Variants in PAK3 observed in about 807,000 individuals in gnomAD.
PAK3 encodes the protein serine/threonine-protein kinase PAK 3.
A neutral mutation model predicts 41.0 loss-of-function variants in PAK3; 4 were observed. The observed-to-expected ratio is 0.10, with a 90% confidence interval of 0.05 to 0.22. PAK3 has a LOEUF of 0.22. PAK3 is among the 10% of genes least tolerant of loss of function. PAK3 has a pLI of 1.00. For missense variants in PAK3, 205 were observed against 409.9 expected (o/e 0.50, Z 4.32); for synonymous variants, 146 against 139.6 (o/e 1.05, Z -0.32).
chrX:111,018,322 A>T (rs1470650563), intron 1 of PAK3, among the ~76,000 whole-genome samples: 1 of 111,902 alleles, frequency 8.9e-6, no homozygotes, highest in Non-Finnish European at 1.9e-5. Flanking sequence ...AGACAATATG[A>T]TCTTCTATAT....
intron 8 of PAK3, among the ~76,000 whole-genome samples, chrX:111,156,283 T>A (rs999713310): frequency 5.4e-5 from 6 of 111,790 alleles, no homozygotes; most frequent in Non-Finnish European, 9.4e-5. Flanking sequence ...AAGATAATGA[T>A]GCTGTCTTTC....
At chrX:111,050,126 A>T (rs959530067) in intron 1 of PAK3, among the ~76,000 whole-genome samples, 1 of 111,465 alleles carries the variant, frequency 9.0e-6, no homozygotes, top group South Asian at 3.8e-4. Flanking sequence ...AGAAATGTGG[A>T]TTATAATAAT....
chrX:111,069,730 C>A (rs1043134140), intron 1 of PAK3, among the ~76,000 whole-genome samples: 3 of 110,415 alleles, frequency 2.7e-5, no homozygotes, highest in Admixed American at 1.9e-4. Context: ...TTTACTGACA[C>A]CTCACACATA....
chrX:111,130,345 T>C (rs1411293409), intron 5 of PAK3, among the ~76,000 whole-genome samples: 12 of 111,882 alleles, frequency 1.1e-4, no homozygotes, highest in Non-Finnish European at 1.9e-5. Flanking sequence ...AGGTACCACA[T>C]TGAGTTTTAT....
chrX:110,953,263 G>GAA (rs948370888), intron 1 of PAK3, among the ~76,000 whole-genome samples: 2 of 111,798 alleles, frequency 1.8e-5, no homozygotes, highest in Admixed American at 1.9e-4. Flanking sequence ...TTGGGAGGCA[G>GAA]AAGTCCAGGG....
chrX:110,953,022 A>G (rs1278716362), intron 1 of PAK3, among the ~76,000 whole-genome samples: 1 of 112,132 alleles, frequency 8.9e-6, no homozygotes, highest in Non-Finnish European at 1.9e-5. Flanking sequence ...ATACTTTTTG[A>G]TGGTTACAAG....
intron 11 of PAK3, among the ~76,000 whole-genome samples, chrX:111,176,298 G>C (rs150742566): frequency 9.1e-6 from 1 of 109,854 alleles, no homozygotes; most frequent in African/African-American, 3.3e-5. Context: ...GAGAACATAT[G>C]GACATGGAGG....
intron 1 of PAK3, among the ~76,000 whole-genome samples, chrX:111,058,984 A>G (rs181529768): frequency 7.4e-4 from 82 of 111,036 alleles, no homozygotes; most frequent in Non-Finnish European, 1.3e-3. Context: ...ATCTATCCTT[A>G]TGCCACTTGG....
At chrX:111,148,617 G>A (rs2093984585) in intron 7 of PAK3, among the ~76,000 whole-genome samples, 1 of 111,402 alleles carries the variant, frequency 9.0e-6, no homozygotes, top group Admixed American at 9.5e-5. Flanking sequence ...CTTCTTACAT[G>A]ACAGCAGCAA....
At chrX:111,162,799 A>C (rs1202563333) in intron 8 of PAK3, 116 bp from the exon 9 acceptor site, 11 of 668,839 alleles carry the variant, frequency 1.6e-5, no homozygotes, top group Admixed American at 2.3e-5. Context: ...CATTTGTGAA[A>C]GATGTAGTTT....
At chrX:111,140,629 G>A (rs2093856916) in intron 5 of PAK3, among the ~76,000 whole-genome samples, 1 of 111,498 alleles carries the variant, frequency 9.0e-6, no homozygotes, top group Non-Finnish European at 1.9e-5. Flanking sequence ...CTGTAATGAG[G>A]GTAAGTTATA....
chrX:111,093,289 A>G (rs1380331405), upstream of PAK3, among the ~76,000 whole-genome samples: 1 of 111,867 alleles, frequency 8.9e-6, no homozygotes, highest in Non-Finnish European at 1.9e-5. Flanking sequence ...GATCATAATA[A>G]TTGCCATAGT....
chrX:111,011,333 G>T (rs1395994136), intron 1 of PAK3, among the ~76,000 whole-genome samples: 1 of 111,818 alleles, frequency 8.9e-6, no homozygotes, highest in Non-Finnish European at 1.9e-5. Context: ...TTCCCATGTA[G>T]GTTATTTGTG....
chrX:111,048,402 A>G (rs1270175534), intron 1 of PAK3, among the ~76,000 whole-genome samples: 1 of 111,336 alleles, frequency 9.0e-6, no homozygotes, highest in Non-Finnish European at 1.9e-5. Context: ...TCATATCTTC[A>G]GCTCTCACCT....
At chrX:110,970,276 G>A (rs771495843) in intron 1 of PAK3, among the ~76,000 whole-genome samples, 12 of 111,210 alleles carry the variant, frequency 1.1e-4, no homozygotes, top group Non-Finnish European at 2.1e-4. Context: ...TTGTAAATTT[G>A]TTTAAGTTCC....
At chrX:111,206,581 T>C (rs985133161) in intron 16 of PAK3, among the ~76,000 whole-genome samples, 1 of 112,026 alleles carries the variant, frequency 8.9e-6, no homozygotes, top group Non-Finnish European at 1.9e-5. Flanking sequence ...AGATCTATAA[T>C]AGGTTCATTT....
At chrX:111,009,593 G>GC (rs2091983596) in intron 1 of PAK3, among the ~76,000 whole-genome samples, 1 of 111,652 alleles carries the variant, frequency 9.0e-6, no homozygotes. Flanking sequence ...TCTATCTTTG[G>GC]CCTCCCCGTT....
intron 1 of PAK3, among the ~76,000 whole-genome samples, chrX:110,945,729 GT>G (rs1329273296): frequency 2.3e-4 from 25 of 108,252 alleles, no homozygotes; most frequent in Middle Eastern, 4.9e-3. Context: ...TGATATAGAG[GT>G]TTTTTTTTTC....
At position 111,221,297 on chromosome X, in the gene PAK3, C is replaced by G. The variant is rs917767786; in HGVS notation, c.*850C>G. On this transcript the variant is annotated 3_prime_UTR_variant, in exon 18 of 18. Transcript: ENST00000372007. ...ACCAGGTTGTTAATCTCCTTAATAC[C>G]TGAAAGAGGACACACTGAAACTGAA... 3 of 107,472 alleles carry G rather than the reference C, an allele frequency of 2.8e-5. No individual in the cohort carries two copies. The highest frequency in any genetic ancestry group is 3.8e-5 in the Non-Finnish European group (2 of 53,008). The allele number at this position is 107,472 out of a possible 1,213,427, so 8.9% of individuals were successfully genotyped here. A position where few individuals can be genotyped will look rare whatever the true frequency, so the allele number is the denominator to read the frequency against.
Sources: gnomAD v4.1 joint callset for allele counts (sites outside exome capture counted in the v4.1 genomes callset) on GRCh38, gnomAD v4.1.1 for gene constraint, MANE v1.5 for transcripts, NCBI Gene and HGNC (gene_info 2026-07-23, HGNC 2026-07-21) for gene names.